PPP2R2B: variants seen among roughly 807,000 people sequenced by gnomAD.
PPP2R2B encodes the protein serine/threonine-protein phosphatase 2A 55 kDa regulatory subunit B beta isoform.
Under a neutral mutation model 46.0 loss-of-function variants are expected in PPP2R2B, and 5 were observed. The ratio of observed to expected loss-of-function variants is 0.11; its 90% CI spans 0.06 to 0.23. The LOEUF is 0.23. PPP2R2B is among the 10% of genes least tolerant of loss of function. The pLI, the probability that PPP2R2B is intolerant of heterozygous loss-of-function variation, is 1.00. For missense variants in PPP2R2B, 367 were observed against 575.0 expected, an observed-to-expected ratio of 0.64 and a Z score of 3.70; for synonymous variants, 215 against 206.7, an observed-to-expected ratio of 1.04 and a Z score of -0.34.
At chr5:146,886,454 TA>T (rs1226043088) in intron 1 of PPP2R2B, among the ~76,000 whole-genome samples, 1 of 152,142 alleles carries the variant, frequency 6.6e-6, no homozygotes, top group Non-Finnish European at 1.5e-5. Flanking sequence ...TTGTATAGTT[TA>T]AAAGTTTGAA....
At chr5:146,925,615 T>G (rs1035211599) in intron 1 of PPP2R2B, among the ~76,000 whole-genome samples, 1 of 152,236 alleles carries the variant, frequency 6.6e-6, no homozygotes, top group Admixed American at 6.5e-5. Flanking sequence ...TGTTCAAGTG[T>G]GGATCTATTT....
chr5:146,648,254 T>C (rs933208914), intron 6 of PPP2R2B, among the ~76,000 whole-genome samples: 2 of 152,124 alleles, frequency 1.3e-5, no homozygotes, highest in East Asian at 1.9e-4. Context: ...CATGGTAACA[T>C]TGGGGAGCTG....
intron 1 of PPP2R2B, among the ~76,000 whole-genome samples, chr5:147,051,739 T>C (rs1442870275): frequency 6.6e-6 from 1 of 150,984 alleles, no homozygotes; most frequent in African/African-American, 2.4e-5. Flanking sequence ...ACTCTCTCAT[T>C]TCTGTTTTGC....
chr5:146,866,513 G>T (rs943106351), intron 2 of PPP2R2B, among the ~76,000 whole-genome samples: 4 of 152,060 alleles, frequency 2.6e-5, no homozygotes, highest in Non-Finnish European at 4.4e-5. Flanking sequence ...CTAGGAGATG[G>T]ATAAACAATG....
At chr5:146,628,185 T>C (rs903512858) in intron 7 of PPP2R2B, among the ~76,000 whole-genome samples, 7 of 152,168 alleles carry the variant, frequency 4.6e-5, no homozygotes, top group Non-Finnish European at 1.0e-4. Flanking sequence ...CTTAAAGTGA[T>C]CTGCCCGCCT....
rs188444808 is a variant in PPP2R2B, at chr5:146,725,868, G to C, written c.71-24726C>G. 2.0e-4 allele frequency among the ~76,000 whole-genome samples: 31 copies of C among 152,298 alleles called. 1 individual carries two copies. In the East Asian group the frequency reaches 5.4e-3, roughly 27 times the overall value. ...AAAGGGCAGGGCCCATGTCTGTCCTGTTCACTGTTGTACCTTGTGCCTAGC... is the reference window on the plus strand; with the variant it reads ...AAAGGGCAGGGCCCATGTCTGTCCTCTTCACTGTTGTACCTTGTGCCTAGC... On this transcript the variant is annotated intron_variant, in intron 2 of 9. Coordinates refer to ENST00000394411, the MANE Select transcript of PPP2R2B (RefSeq NM_181675.4).
At chr5:146,963,419 G>A (rs1458915078) in intron 1 of PPP2R2B, among the ~76,000 whole-genome samples, 1 of 152,118 alleles carries the variant, frequency 6.6e-6, no homozygotes, top group Non-Finnish European at 1.5e-5. Context: ...CCCTTCTCCT[G>A]TCTTGCTCTC....
At chr5:146,892,649 T>C (rs151113987) in intron 1 of PPP2R2B, among the ~76,000 whole-genome samples, 1 of 152,312 alleles carries the variant, frequency 6.6e-6, no homozygotes, top group East Asian at 1.9e-4. Context: ...AGTGTAAAGT[T>C]TCCTAAATCC....
At chr5:146,859,153 C>G (rs188615022) in intron 2 of PPP2R2B, among the ~76,000 whole-genome samples, 4 of 152,202 alleles carry the variant, frequency 2.6e-5, no homozygotes, top group Admixed American at 2.6e-4. Context: ...GGTATGTGAT[C>G]ATAGACAAGT....
intron 1 of PPP2R2B, among the ~76,000 whole-genome samples, chr5:146,946,728 A>T (rs1582476545): frequency 6.6e-6 from 1 of 152,090 alleles, no homozygotes; most frequent in Non-Finnish European, 1.5e-5. Context: ...AATAACATAA[A>T]TAAAACATGG....
chr5:146,923,045 A>G (rs186787056), intron 1 of PPP2R2B, among the ~76,000 whole-genome samples: 53 of 152,350 alleles, frequency 3.5e-4, no homozygotes, highest in African/African-American at 1.3e-3. Context: ...ATTTGATGAC[A>G]TAGGTGAGCC....
intron 7 of PPP2R2B, among the ~76,000 whole-genome samples, chr5:146,615,514 T>TAAAAAAAAAAAAAAA (rs1561772287): frequency 3.6e-5 from 3 of 83,252 alleles, no homozygotes; most frequent in Admixed American, 1.1e-4. Flanking sequence ...AAAAAAAAAA[T>TAAAAAAAAAAAAAAA]TAAAAAAAAA....
intron 2 of PPP2R2B, among the ~76,000 whole-genome samples, chr5:146,762,581 T>C (rs1387137537): frequency 1.3e-5 from 2 of 152,238 alleles, no homozygotes; most frequent in Non-Finnish European, 2.9e-5. Context: ...CATATCTACA[T>C]ACTCTTTGGG....
intron 1 of PPP2R2B, among the ~76,000 whole-genome samples, chr5:146,925,987 T>A (rs2446370): frequency 0.02 from 3,058 of 152,278 alleles, 99 homozygotes; most frequent in African/African-American, 0.07. Flanking sequence ...CTGGTATTTT[T>A]AAAATAAATT....
intron 2 of PPP2R2B, among the ~76,000 whole-genome samples, chr5:146,821,791 CT>C (rs746193064): frequency 1.3e-5 from 2 of 151,036 alleles, no homozygotes; most frequent in Non-Finnish European, 2.9e-5. Context: ...AAAAAAAAAG[CT>C]TAATTACATG....
intron 1 of PPP2R2B, among the ~76,000 whole-genome samples, chr5:146,995,331 T>C (rs1753877795): frequency 6.6e-6 from 1 of 152,166 alleles, no homozygotes; most frequent in Non-Finnish European, 1.5e-5. Context: ...CAGTCATTAT[T>C]TGTGGAAAGA....
chr5:146,710,657 C>T (rs1780165344), intron 2 of PPP2R2B, among the ~76,000 whole-genome samples: 1 of 152,156 alleles, frequency 6.6e-6, no homozygotes, highest in South Asian at 2.1e-4. Flanking sequence ...CCCAATTTTT[C>T]AAAAAGCAGA....
chr5:147,019,219 T>C lies in PPP2R2B; in HGVS notation c.79+36446A>G, dbSNP rs903130750. Among the ~76,000 whole-genome samples, 5 of 152,176 alleles carry C rather than the reference T, an allele frequency of 3.3e-5. 1 individual carries two copies. The highest frequency in any genetic ancestry group is 7.4e-5 in the Non-Finnish European group (5 of 68,022). ...GATTTCAATATTGTTTTGGAACAGA[T>C]TGACCATAAATATTTAAATAACTGC... On this transcript the variant is annotated intron_variant, in intron 1 of 8. Coordinates refer to the PPP2R2B transcript ENST00000336640.
intron 2 of PPP2R2B, among the ~76,000 whole-genome samples, chr5:146,746,213 C>A (rs1476354825): frequency 2.0e-5 from 3 of 152,166 alleles, no homozygotes; most frequent in African/African-American, 7.2e-5. Context: ...ATCCTCCTCA[C>A]TTTGAAAGGG....
Sources: gnomAD v4.1 joint callset for allele counts (sites outside exome capture counted in the v4.1 genomes callset) on GRCh38, gnomAD v4.1.1 for gene constraint, MANE v1.5 for transcripts, NCBI Gene and HGNC (gene_info 2026-07-23, HGNC 2026-07-21) for gene names.